Variants in ZNF680 observed in about 807,000 individuals in gnomAD.
ZNF680 encodes the protein zinc finger protein 680.
In ZNF680, 6 loss-of-function variants were observed where a neutral mutation model predicts 12.1. The ratio of observed to expected loss-of-function variants is 0.49; its 90% CI spans 0.27 to 0.98. The LOEUF (loss-of-function observed/expected upper bound fraction) is 0.98, where lower values mean the gene tolerates loss of function less well. Ranked by LOEUF, ZNF680 falls within the 50% of genes least tolerant of loss-of-function variation. ZNF680 has a pLI of 0.12. For synonymous variants in ZNF680, 170 were observed against 199.3 expected (o/e 0.85, Z 1.24); for missense variants, 561 against 616.3 (o/e 0.91, Z 0.95).
chr7:64,552,294 C>T (rs1252661847), intron 1 of ZNF680, among the ~76,000 whole-genome samples: 1 of 152,166 alleles, frequency 6.6e-6, no homozygotes, highest in Non-Finnish European at 1.5e-5. Context: ...CTCAAGTGAT[C>T]CACCCGCGTT....
Position 64,522,494 on chromosome 7 carries a change from T to C in ZNF680, c.260A>G (p.Tyr87Cys). The change falls in exon 4 of 4, where the codon TAT (tyrosine) becomes TGT (cysteine). Residue 87 changes from tyrosine (Y) to cysteine (C), a missense_variant. Physicochemically the swap from Tyr to Cys is radical, Grantham distance 194 (BLOSUM62 -2). Transcript: ENST00000309683. ...QEMVAKPPVI[Y>C]SHFTEDLWPE... ...CCAAAGGTCTTCAGTGAAATGAGAA[T>C]ATATAACTGAAAGACATAAAAGTAA... The C allele has an allele frequency of 6.7e-7, 1 of 1,483,490 alleles. No individual in the cohort carries two copies. The highest frequency in any genetic ancestry group is 9.0e-7 in the Non-Finnish European group (1 of 1,115,450). The allele number at this position is 1,483,490 out of a possible 1,614,324, so 91.9% of individuals were successfully genotyped here. A position where few individuals can be genotyped will look rare whatever the true frequency, so the allele number is the denominator to read the frequency against.
At chr7:64,515,591 G>C (rs1791335849), downstream of ZNF680, among the ~76,000 whole-genome samples, 1 of 151,862 alleles carries the variant, frequency 6.6e-6, no homozygotes, top group South Asian at 2.1e-4. Context: ...CAAGCTGCAG[G>C]CACCAATAAA....
At chr7:64,501,733 C>G in the ZNF680 span, 1 of 934,800 alleles carries the variant, frequency 1.1e-6, no homozygotes, top group East Asian at 2.6e-5. Flanking sequence ...CTCTTAAGCA[C>G]ATAGTGGGGG....
chr7:64,526,385 T>C (rs1410901640), intron 3 of ZNF680: 7 of 1,432,022 alleles, frequency 4.9e-6, no homozygotes, highest in Non-Finnish European at 6.4e-6. Flanking sequence ...ACTAGCACAG[T>C]TCTACATGAA....
intron 1 of ZNF680, among the ~76,000 whole-genome samples, chr7:64,558,727 G>GA (rs1430372825): frequency 3.3e-5 from 5 of 150,910 alleles, no homozygotes; most frequent in African/African-American, 9.7e-5. Flanking sequence ...TCCAAAGGAG[G>GA]AAGCACCAAC....
At chr7:64,506,016 C>T in the ZNF680 span, among the ~76,000 whole-genome samples, 1 of 152,016 alleles carries the variant, frequency 6.6e-6, no homozygotes, top group Non-Finnish European at 1.5e-5. Flanking sequence ...CTTTTGATGG[C>T]CACAAAGGCA....
chr7:64,516,512 A>G (rs1791357616), downstream of ZNF680, among the ~76,000 whole-genome samples: 2 of 152,294 alleles, frequency 1.3e-5, no homozygotes, highest in African/African-American at 4.8e-5. Flanking sequence ...CAGAAACATA[A>G]TAATAGTGGG....
intron 1 of ZNF680, among the ~76,000 whole-genome samples, chr7:64,546,173 G>A (rs759107109): frequency 5.9e-5 from 9 of 152,096 alleles, no homozygotes; most frequent in Non-Finnish European, 1.0e-4. Flanking sequence ...GAGGAAGAGT[G>A]GACACAGCTC....
Position 64,554,822 on chromosome 7 carries a change from T to C in ZNF680, c.30+8103A>G, listed in dbSNP as rs866572643. Among the ~76,000 whole-genome samples, 28 of 152,114 alleles carry C rather than the reference T, an allele frequency of 1.8e-4. 1 individual carries two copies. The Middle Eastern group carries it at 0.02, about 111-fold the overall frequency. Reference sequence around the variant, plus strand: ...GTTAAGAGTCATCACCACTCCCTAATCTCAAGTACCCAGGGACACAAACAC... The same window carrying C: ...GTTAAGAGTCATCACCACTCCCTAACCTCAAGTACCCAGGGACACAAACAC... On this transcript the variant is annotated intron_variant, in intron 1 of 3. Transcript: ENST00000309683.
chr7:64,521,336 C>T lies in ZNF680; in HGVS notation c.1418G>A (p.Trp473Ter), dbSNP rs778674842. 22 of 1,610,428 alleles carry T rather than the reference C, an allele frequency of 1.4e-5. No homozygotes were observed. The South Asian group carries it at 2.1e-4, about 15-fold the overall frequency. ...KCDECGNVFN[W>*]PATLANHKRI... ...CTTATGATTAGCAAGAGTTGCAGGCCAGTTAAAAACATTGCCACATTCATC... is the reference window on the plus strand; with the variant it reads ...CTTATGATTAGCAAGAGTTGCAGGCTAGTTAAAAACATTGCCACATTCATC... The change falls in exon 4 of 4, where the codon TGG becomes TAG. Residue 473 changes from tryptophan (W) to a stop codon, truncating the protein, a stop_gained. Coordinates refer to ENST00000309683, the MANE Select transcript of ZNF680 (RefSeq NM_178558.5). LOFTEE classifies it low-confidence loss of function (END_TRUNC).
chr7:64,516,834 C>T (rs980526017), downstream of ZNF680, among the ~76,000 whole-genome samples: 5 of 152,058 alleles, frequency 3.3e-5, no homozygotes, highest in African/African-American at 1.2e-4. Flanking sequence ...CATTCAAATA[C>T]ATGGAAATTA....
chr7:64,551,020 T>A (rs1787047733), intron 1 of ZNF680, among the ~76,000 whole-genome samples: 1 of 152,160 alleles, frequency 6.6e-6, no homozygotes, highest in Admixed American at 6.5e-5. Flanking sequence ...TGCATCAAGG[T>A]CAATCTGCTT....
chr7:64,540,699 C>G (rs1260883350), intron 3 of ZNF680, among the ~76,000 whole-genome samples: 2 of 152,048 alleles, frequency 1.3e-5, no homozygotes, highest in Non-Finnish European at 2.9e-5. Flanking sequence ...TCACAATAAA[C>G]TGATGTTTAA....
chr7:64,554,225 T>A (rs1287772371), intron 1 of ZNF680, among the ~76,000 whole-genome samples: 2 of 117,924 alleles, frequency 1.7e-5, no homozygotes, highest in Non-Finnish European at 3.6e-5. Flanking sequence ...AGAGCGCCTC[T>A]GCCCGGCCGC....
At chr7:64,505,765 T>A in the ZNF680 span, among the ~76,000 whole-genome samples, 1 of 149,484 alleles carries the variant, frequency 6.7e-6, no homozygotes, top group Non-Finnish European at 1.5e-5. Context: ...TTTGCATAAA[T>A]TAGACTCCTT....
chr7:64,554,578 G>A (rs1374110508), intron 1 of ZNF680, among the ~76,000 whole-genome samples: 4 of 152,244 alleles, frequency 2.6e-5, no homozygotes, highest in Non-Finnish European at 4.4e-5. Context: ...AAAAGAAAGA[G>A]AGATCGGATT....
At chr7:64,526,183 T>C in intron 3 of ZNF680, 1 of 948,462 alleles carries the variant, frequency 1.1e-6, no homozygotes, top group Non-Finnish European at 1.3e-6. Flanking sequence ...TAAAAAACTC[T>C]TAGAAGAAGA....
At chr7:64,499,731 G>A in the ZNF680 span, among the ~76,000 whole-genome samples, 7 of 152,188 alleles carry the variant, frequency 4.6e-5, no homozygotes, top group African/African-American at 1.7e-4. Context: ...GTGACACAGC[G>A]AGACTCCGTC....
At chr7:64,557,584 A>AC (rs1426964576) in intron 1 of ZNF680, among the ~76,000 whole-genome samples, 1 of 150,764 alleles carries the variant, frequency 6.6e-6, no homozygotes, top group Non-Finnish European at 1.5e-5. Flanking sequence ...AAAAAACAAA[A>AC]CAAAAAAAAA....
Sources: gnomAD v4.1 joint callset for allele counts (sites outside exome capture counted in the v4.1 genomes callset) on GRCh38, gnomAD v4.1.1 for gene constraint, MANE v1.5 for transcripts, NCBI Gene and HGNC (gene_info 2026-07-23, HGNC 2026-07-21) for gene names.